Variants in NAA60 observed in about 807,000 individuals in gnomAD.
The protein encoded by NAA60 is N-alpha-acetyltransferase 60.
NAA60 carries 8 observed loss-of-function variants against 26.1 expected under a neutral mutation model. That is an observed-to-expected ratio of 0.31 (90% confidence interval 0.18 to 0.55). NAA60 has a LOEUF of 0.55. Ranked by LOEUF, NAA60 falls within the 20% of genes least tolerant of loss-of-function variation. The probability of loss-of-function intolerance (pLI) is 0.93; values close to 1 mark genes in which losing one functional copy is unlikely to be tolerated. For missense variants in NAA60, 290 were observed against 311.3 expected (o/e 0.93, Z 0.51); for synonymous variants, 131 against 122.5 (o/e 1.07, Z -0.46).
intron 2 of NAA60, among the ~76,000 whole-genome samples, chr16:3,475,536 AG>A (rs1567390523): frequency 6.6e-6 from 1 of 152,056 alleles, no homozygotes; most frequent in African/African-American, 2.4e-5. Flanking sequence ...TAAATAAAAC[AG>A]GGGGGCTGCT....
intron 2 of NAA60, chr16:3,458,061 C>G (rs1365091462): frequency 1.0e-6 from 1 of 985,208 alleles, no homozygotes; most frequent in Non-Finnish European, 1.2e-6. Context: ...GTCCCGGCTG[C>G]GGCCCCTGCC....
At chr16:3,458,851 A>C (rs1208493972) in intron 2 of NAA60, among the ~76,000 whole-genome samples, 1 of 152,120 alleles carries the variant, frequency 6.6e-6, no homozygotes, top group Non-Finnish European at 1.5e-5. Context: ...CCAGGGAGTA[A>C]AGGGAATCTG....
Position 3,477,581 on chromosome 16 carries a change from A to AGG in NAA60, c.110+1244_110+1245insGG, listed in dbSNP as rs1407451910. 4.9e-3 allele frequency among the ~76,000 whole-genome samples: 707 copies of AGG among 143,942 alleles called. 5 individuals carry two copies. The highest frequency in any genetic ancestry group is 0.033 in the Admixed American group (412 of 12,458). 94.4% of individuals were successfully genotyped at this position (143,942 alleles called of 152,430 possible). On this transcript the variant is annotated intron_variant, in intron 3 of 7. Transcript: ENST00000407558. ...TTTGGGAGGCCAAGGTGGGTGGATC[A>AGG]CCTGAGGTCAGGAGTTCGAGACCAG...
rs1319790608 is a variant in NAA60 at position 3,485,583 on chromosome 16, C to A, written c.*323C>A. 2.2e-6 allele frequency: 1 copy of A among 455,570 alleles called. No homozygotes were observed. Among genetic ancestry groups the A allele is most frequent in the African/African-American group, 2.0e-5 (1 of 50,208 alleles). The allele number at this position is 455,570 out of a possible 1,614,324, so 28.2% of individuals were successfully genotyped here. ...GTGTGGCTGCATTCACTGGGAGGGG[C>A]CTGCCCTCACTGGGCCTCTCCCACT... is the stretch of plus-strand genomic sequence containing the variant. On this transcript the variant is annotated 3_prime_UTR_variant, in exon 8 of 8. Transcript: ENST00000407558.
At chr16:3,457,900 G>A (rs938717439) in intron 2 of NAA60, 9 of 851,742 alleles carry the variant, frequency 1.1e-5, no homozygotes, top group African/African-American at 3.7e-5. Context: ...GGCTTCGCAC[G>A]GAGCCTGCCC....
chr16:3,464,657 TA>T (rs1214957720), intron 2 of NAA60, among the ~76,000 whole-genome samples: 2 of 152,324 alleles, frequency 1.3e-5, no homozygotes, highest in African/African-American at 4.8e-5. Context: ...GCTGTTCAAG[TA>T]AATACGTTTT....
intron 4 of NAA60, among the ~76,000 whole-genome samples, chr16:3,480,774 C>T (rs2036781428): frequency 6.6e-6 from 1 of 152,064 alleles, no homozygotes; most frequent in African/African-American, 2.4e-5. Flanking sequence ...GGCATGATGG[C>T]GCTTGCCTTT....
intron 2 of NAA60, among the ~76,000 whole-genome samples, chr16:3,458,903 G>T (rs2035190249): frequency 6.6e-6 from 1 of 152,164 alleles, no homozygotes; most frequent in Non-Finnish European, 1.5e-5. Context: ...TTGGGGGTAA[G>T]TGGTGGGCCT....
In NAA60 at chr16:3,478,724, A is replaced by T. The variant is rs185817075; in HGVS notation, c.111-747A>T. On this transcript the variant is annotated intron_variant, in intron 3 of 7. Coordinates refer to ENST00000407558, the MANE Select transcript of NAA60 (RefSeq NM_001083601.3). Reference sequence around the variant, plus strand: ...CTCCCTGTCAGGGAAGGCATTGTAAACTCAAACGCCTGTCAGCTGTGAACC... The same window carrying T: ...CTCCCTGTCAGGGAAGGCATTGTAATCTCAAACGCCTGTCAGCTGTGAACC... 1.1e-4 allele frequency among the ~76,000 whole-genome samples: 17 copies of T among 151,704 alleles called. No individual in the cohort carries two copies. The East Asian group carries it at 2.7e-3, about 24-fold the overall frequency.
At chr16:3,474,273 G>A (rs977003711) in intron 2 of NAA60, among the ~76,000 whole-genome samples, 2 of 152,224 alleles carry the variant, frequency 1.3e-5, no homozygotes, top group East Asian at 1.9e-4. Context: ...GGGATACCCC[G>A]GGAAGTGGCT....
intron 6 of NAA60, chr16:3,484,428 C>T: frequency 1.9e-6 from 1 of 532,996 alleles, no homozygotes. Flanking sequence ...TCCCCACCCC[C>T]CGTGCATCCC....
chr16:3,451,146 T>A (rs185218918), intron 2 of NAA60, among the ~76,000 whole-genome samples: 2 of 152,320 alleles, frequency 1.3e-5, no homozygotes, highest in East Asian at 3.9e-4. Flanking sequence ...GCAGGATGTG[T>A]GTAATAACAC....
chr16:3,481,201 C>T (rs2036807526), intron 4 of NAA60, among the ~76,000 whole-genome samples: 1 of 152,092 alleles, frequency 6.6e-6, no homozygotes, highest in Non-Finnish European at 1.5e-5. Context: ...TCCCGGCTCA[C>T]TGCAACCTCC....
At chr16:3,477,976 A>T (rs112056088) in intron 3 of NAA60, among the ~76,000 whole-genome samples, 3,270 of 152,122 alleles carry the variant, frequency 0.021, 95 homozygotes, top group African/African-American at 0.071. Context: ...GAGGCAGGAG[A>T]ATCGCTTGAA....
intron 2 of NAA60, among the ~76,000 whole-genome samples, chr16:3,453,457 G>A (rs928789106): frequency 6.6e-6 from 1 of 152,036 alleles, no homozygotes; most frequent in Admixed American, 6.6e-5. Context: ...CGTCCAGGCT[G>A]GAGTGCAATG....
intron 7 of NAA60, 186 bp downstream of exon 7, chr16:3,485,247 A>G (rs2037092498): frequency 1.5e-6 from 1 of 650,792 alleles, no homozygotes; most frequent in African/African-American, 1.8e-5. Context: ...AGCAGGCTCC[A>G]TGGCAACTGG....
intron 2 of NAA60, among the ~76,000 whole-genome samples, chr16:3,470,610 G>C (rs750572132): frequency 1.3e-5 from 2 of 152,190 alleles, no homozygotes; most frequent in African/African-American, 2.4e-5. Context: ...ATACACTGGG[G>C]AGACGGGATG....
chr16:3,472,764 C>A (rs1472711325), intron 2 of NAA60, among the ~76,000 whole-genome samples: 1 of 152,186 alleles, frequency 6.6e-6, no homozygotes, highest in Non-Finnish European at 1.5e-5. Context: ...CATTTTCAAA[C>A]ATCCACGTGG....
Position 3,458,193 on chromosome 16 carries a change from G to T in NAA60, c.-7+9653G>T, listed in dbSNP as rs896803256. On this transcript the variant is annotated intron_variant, in intron 2 of 7. Transcript: ENST00000407558. Reference sequence around the variant, plus strand: ...GGCTCCCCCACGAGGTGAGGTGGCGGGGGGCGGCCGCCGGGGCTCGGACCT... The same window carrying T: ...GGCTCCCCCACGAGGTGAGGTGGCGTGGGGCGGCCGCCGGGGCTCGGACCT... 19 of 984,672 alleles carry T rather than the reference G, an allele frequency of 1.9e-5. No homozygotes were observed. The African/African-American group carries it at 3.0e-4, about 15-fold the overall frequency. 61.0% of individuals were successfully genotyped at this position (984,672 alleles called of 1,614,324 possible). A position where few individuals can be genotyped will look rare whatever the true frequency, so the allele number is the denominator to read the frequency against.
Sources: gnomAD v4.1 joint callset for allele counts (sites outside exome capture counted in the v4.1 genomes callset) on GRCh38, gnomAD v4.1.1 for gene constraint, MANE v1.5 for transcripts, NCBI Gene and HGNC (gene_info 2026-07-23, HGNC 2026-07-21) for gene names.